SRGAP1: variants seen among roughly 807,000 people sequenced by gnomAD.
The protein encoded by SRGAP1 is SLIT-ROBO Rho GTPase-activating protein 1.
SRGAP1 carries 43 observed loss-of-function variants against 121.9 expected under a neutral mutation model. The observed-to-expected ratio is 0.35, with a 90% CI of 0.28 to 0.46. SRGAP1 has a LOEUF of 0.46. Among genes scored for constraint, SRGAP1 ranks in the 20% least tolerant of loss-of-function variants. SRGAP1 has a pLI of 1.00. For missense variants in SRGAP1, 1,102 were observed against 1,350.9 expected (o/e 0.82, Z 2.89); for synonymous variants, 447 against 485.4 (o/e 0.92, Z 1.04).
chr12:64,080,000 T>C (rs778824914), intron 9 of SRGAP1, among the ~76,000 whole-genome samples: 2 of 152,146 alleles, frequency 1.3e-5, no homozygotes, highest in Non-Finnish European at 2.9e-5. Flanking sequence ...CCCAGCACTT[T>C]GGGAGGCCGA....
chr12:64,040,210 G>A (rs1327060238), intron 4 of SRGAP1, among the ~76,000 whole-genome samples: 1 of 152,120 alleles, frequency 6.6e-6, no homozygotes, highest in African/African-American at 2.4e-5. Context: ...AATTTCATAT[G>A]GATTAACCTA....
chr12:63,872,138 T>G, intron 1 of SRGAP1: 1 of 471,430 alleles, frequency 2.1e-6, no homozygotes. Context: ...CGGGAGTTTT[T>G]CTTTAAATGG....
intron 4 of SRGAP1, chr12:64,032,396 A>G (rs921152364): frequency 3.3e-5 from 18 of 544,332 alleles, no homozygotes; most frequent in African/African-American, 2.8e-4. Context: ...ACAAATAGTT[A>G]AAAACTCTGC....
At chr12:64,091,160 T>C (rs927020472) in intron 11 of SRGAP1, 116 bp from the exon 12 acceptor site, 1 of 533,800 alleles carries the variant, frequency 1.9e-6, no homozygotes, top group Admixed American at 3.9e-5. Flanking sequence ...CCCCTGTGAT[T>C]GGGGGAGGGG....
At chr12:63,917,134 C>T (rs1592943856) in intron 1 of SRGAP1, among the ~76,000 whole-genome samples, 1 of 152,242 alleles carries the variant, frequency 6.6e-6, no homozygotes, top group East Asian at 1.9e-4. Flanking sequence ...ATGGGATATG[C>T]TATTTAATGG....
At chr12:64,015,851 C>T (rs1290870911) in intron 3 of SRGAP1, among the ~76,000 whole-genome samples, 2 of 152,170 alleles carry the variant, frequency 1.3e-5, no homozygotes, top group Admixed American at 1.3e-4. Flanking sequence ...GTAGATTAAG[C>T]TATGCTACAC....
Position 63,891,116 on chromosome 12 carries a change from C to A in SRGAP1, c.67+46233C>A, listed in dbSNP as rs559603750. Among the ~76,000 whole-genome samples, 4 of 152,316 alleles carry A rather than the reference C, an allele frequency of 2.6e-5. 1 individual carries two copies. The South Asian group carries it at 6.2e-4, about 24-fold the overall frequency. ...TCTTGCCCTCTCTTGTTCCTTGCAA[C>A]TCCCATGCATAGCTCTGGCTCATTC... On this transcript the variant is annotated intron_variant, in intron 1 of 21. Coordinates refer to ENST00000355086, the MANE Select transcript of SRGAP1 (RefSeq NM_020762.4).
At chr12:63,896,265 G>A (rs1039266938) in intron 1 of SRGAP1, among the ~76,000 whole-genome samples, 1 of 152,144 alleles carries the variant, frequency 6.6e-6, no homozygotes, top group Non-Finnish European at 1.5e-5. Flanking sequence ...TAATACGATG[G>A]TGATGTATTA....
intron 1 of SRGAP1, among the ~76,000 whole-genome samples, chr12:63,930,113 A>ATTTTCC (rs2031415768): frequency 6.6e-6 from 1 of 152,212 alleles, no homozygotes; most frequent in African/African-American, 2.4e-5. Flanking sequence ...AAATTAGTTC[A>ATTTTCC]AAAGATCCAT....
chr12:64,063,164 A>G (rs758531451), intron 7 of SRGAP1, 26 bp downstream of exon 7: 40 of 1,561,900 alleles, frequency 2.6e-5, no homozygotes, highest in Non-Finnish European at 3.3e-5. Flanking sequence ...TTTTTAAAAT[A>G]ATGAATTGTC....
chr12:64,006,051 G>T (rs73317377), intron 3 of SRGAP1, among the ~76,000 whole-genome samples: 3,300 of 152,246 alleles, frequency 0.022, 111 homozygotes, highest in African/African-American at 0.074. Context: ...ATTGGTAACT[G>T]CTCTTAGATA....
At chr12:63,900,282 T>G (rs569353131) in intron 1 of SRGAP1, among the ~76,000 whole-genome samples, 10 of 148,108 alleles carry the variant, frequency 6.8e-5, no homozygotes, top group African/African-American at 2.2e-4. Context: ...CTCGGCTCAC[T>G]GCAGCCTCTG....
At chr12:64,087,733 C>CA (rs1342760931) in intron 11 of SRGAP1, among the ~76,000 whole-genome samples, 1 of 151,768 alleles carries the variant, frequency 6.6e-6, no homozygotes, top group Non-Finnish European at 1.5e-5. Flanking sequence ...GACTCCATCT[C>CA]AAAAAATAAA....
At chr12:64,067,486 A>C (rs539715947) in intron 8 of SRGAP1, among the ~76,000 whole-genome samples, 1 of 152,314 alleles carries the variant, frequency 6.6e-6, no homozygotes, top group Admixed American at 6.5e-5. Context: ...GTAATTTTTA[A>C]ACATTAGCTG....
intron 3 of SRGAP1, among the ~76,000 whole-genome samples, chr12:64,016,305 C>T (rs2034399342): frequency 6.6e-6 from 1 of 152,044 alleles, no homozygotes; most frequent in Non-Finnish European, 1.5e-5. Context: ...AGCTTGGTTG[C>T]ACGCCACCCT....
intron 15 of SRGAP1, among the ~76,000 whole-genome samples, chr12:64,098,996 A>C (rs369993745): frequency 1.3e-5 from 2 of 152,142 alleles, no homozygotes; most frequent in East Asian, 1.9e-4. Context: ...CCATTATTCT[A>C]TTGGGTACGT....
chr12:64,003,478 GAAAAA>G (rs531819299), intron 3 of SRGAP1, among the ~76,000 whole-genome samples: 1 of 42,802 alleles, frequency 2.3e-5, no homozygotes, highest in African/African-American at 6.2e-5. Context: ...GGAAGTTTCA[GAAAAA>G]AAAAAAAAAA....
chr12:64,026,237 CAT>C (rs1423564860), intron 4 of SRGAP1, among the ~76,000 whole-genome samples: 1 of 152,080 alleles, frequency 6.6e-6, no homozygotes, highest in African/African-American at 2.4e-5. Flanking sequence ...CAAATTACTA[CAT>C]TCTGAAATAC....
chr12:64,076,677 C>T (rs1022748250), intron 8 of SRGAP1, among the ~76,000 whole-genome samples: 10 of 151,946 alleles, frequency 6.6e-5, no homozygotes, highest in Admixed American at 3.9e-4. Flanking sequence ...GACAGAGTCT[C>T]ACTTTTTCGC....
Sources: gnomAD v4.1 joint callset for allele counts (sites outside exome capture counted in the v4.1 genomes callset) on GRCh38, gnomAD v4.1.1 for gene constraint, MANE v1.5 for transcripts, NCBI Gene and HGNC (gene_info 2026-07-23, HGNC 2026-07-21) for gene names.